SKAP2: variants seen among roughly 807,000 people sequenced by gnomAD.
The protein encoded by SKAP2 is src kinase associated phosphoprotein 2, also known as src kinase-associated phosphoprotein 2.
A neutral mutation model predicts 54.9 loss-of-function variants in SKAP2; 28 were observed. The ratio of observed to expected loss-of-function variants is 0.51; its 90% CI spans 0.38 to 0.70. SKAP2 has a LOEUF of 0.70. Ranked by LOEUF, SKAP2 falls within the 30% of genes least tolerant of loss-of-function variation. SKAP2 has a pLI of 0.00. For missense variants in SKAP2, 356 were observed against 424.1 expected (o/e 0.84, Z 1.41); for synonymous variants, 137 against 134.3 (o/e 1.02, Z -0.14).
chr7:26,734,495 T>C (rs1787883566), intron 6 of SKAP2, among the ~76,000 whole-genome samples: 1 of 152,180 alleles, frequency 6.6e-6, no homozygotes, highest in Non-Finnish European at 1.5e-5. Flanking sequence ...TGCTATTCCC[T>C]TACCTGGAAA....
Position 26,758,391 on chromosome 7 carries a change from A to C in SKAP2, c.308-18427T>G, listed in dbSNP as rs541850922. Among the ~76,000 whole-genome samples the C allele has an allele frequency of 6.6e-5, 10 of 152,358 alleles. No individual in the cohort carries two copies. The East Asian group carries it at 1.7e-3, about 26-fold the overall frequency. Reference sequence around the variant, plus strand: ...CCATTCATCTATAAAATTTAATTTAATCAATACAAGTATAGTTTTATAGTA... The same window carrying C: ...CCATTCATCTATAAAATTTAATTTACTCAATACAAGTATAGTTTTATAGTA... On this transcript the variant is annotated intron_variant, in intron 4 of 12. Coordinates refer to ENST00000345317, the MANE Select transcript of SKAP2 (RefSeq NM_003930.5).
intron 4 of SKAP2, among the ~76,000 whole-genome samples, chr7:26,741,844 G>A (rs1377298598): frequency 6.6e-6 from 1 of 150,850 alleles, no homozygotes; most frequent in Non-Finnish European, 1.5e-5. Flanking sequence ...AATACCATGG[G>A]GATCACAGTA....
At chr7:26,843,947 T>C in intron 4 of SKAP2, 83 bp downstream of exon 4, 2 of 858,502 alleles carry the variant, frequency 2.3e-6, no homozygotes, top group Admixed American at 4.0e-5. Context: ...TCTATGTTCA[T>C]CTGCTTTCTC....
chr7:26,786,503 G>A (rs1441491398), intron 4 of SKAP2, among the ~76,000 whole-genome samples: 2 of 152,154 alleles, frequency 1.3e-5, no homozygotes, highest in African/African-American at 4.8e-5. Flanking sequence ...CCAATGAGCT[G>A]AACTGAGGAA....
intron 9 of SKAP2, 132 bp downstream of exon 9, chr7:26,725,296 T>C (rs1197149191): frequency 5.4e-6 from 3 of 560,252 alleles, no homozygotes; most frequent in Non-Finnish European, 9.1e-6. Flanking sequence ...ATATTCTTTG[T>C]CCTTGTTCTC....
chr7:26,704,403 C>A (rs973766035), intron 9 of SKAP2, among the ~76,000 whole-genome samples: 9 of 152,140 alleles, frequency 5.9e-5, no homozygotes, highest in African/African-American at 2.2e-4. Context: ...ATTGATTAAT[C>A]CTGAATAAGA....
chr7:26,656,461 G>A, the SKAP2 span, among the ~76,000 whole-genome samples: 1 of 152,178 alleles, frequency 6.6e-6, no homozygotes, highest in Non-Finnish European at 1.5e-5. Flanking sequence ...CAAACAAGTT[G>A]ATAATAACTT....
intron 4 of SKAP2, among the ~76,000 whole-genome samples, chr7:26,803,582 T>A (rs1012878565): frequency 3.9e-5 from 6 of 152,008 alleles, no homozygotes; most frequent in African/African-American, 1.4e-4. Context: ...AAACAAAAAA[T>A]TGAGGTACCA....
At chr7:26,806,966 G>T (rs1051558275) in intron 4 of SKAP2, among the ~76,000 whole-genome samples, 1 of 152,158 alleles carries the variant, frequency 6.6e-6, no homozygotes, top group Non-Finnish European at 1.5e-5. Flanking sequence ...AGAGGTTCAG[G>T]ACTTCAGTGG....
chr7:26,723,251 T>C (rs989621199), intron 9 of SKAP2, among the ~76,000 whole-genome samples: 1 of 152,038 alleles, frequency 6.6e-6, no homozygotes, highest in African/African-American at 2.4e-5. Flanking sequence ...ACTAGAAAAA[T>C]CCCCTCTGTA....
intron 9 of SKAP2, among the ~76,000 whole-genome samples, chr7:26,708,363 T>G (rs887574006): frequency 6.6e-6 from 1 of 152,064 alleles, no homozygotes; most frequent in Non-Finnish European, 1.5e-5. Flanking sequence ...TTTTTATTAT[T>G]GTAGGGGCAA....
chr7:26,714,695 T>C (rs539935583), intron 9 of SKAP2, among the ~76,000 whole-genome samples: 10 of 152,348 alleles, frequency 6.6e-5, no homozygotes, highest in African/African-American at 4.8e-5. Context: ...ATAGTGAAGC[T>C]TGATACTCTC....
At chr7:26,808,642 A>G (rs1236889525) in intron 4 of SKAP2, among the ~76,000 whole-genome samples, 1 of 113,768 alleles carries the variant, frequency 8.8e-6, no homozygotes, top group African/African-American at 2.9e-5. Context: ...GTCTTTTACC[A>G]TAATAAAAAA....
intron 9 of SKAP2, among the ~76,000 whole-genome samples, chr7:26,699,112 T>C (rs1323797684): frequency 6.6e-6 from 1 of 152,204 alleles, no homozygotes; most frequent in African/African-American, 2.4e-5. Context: ...AATTTTAATG[T>C]AAAAGAGTAT....
chr7:26,787,123 G>A (rs772116822), intron 4 of SKAP2, among the ~76,000 whole-genome samples: 1 of 152,122 alleles, frequency 6.6e-6, no homozygotes, highest in African/African-American at 2.4e-5. Flanking sequence ...TAAGGTCTTC[G>A]TTTGACTTCA....
At chr7:26,777,684 C>T (rs888041300) in intron 4 of SKAP2, among the ~76,000 whole-genome samples, 3 of 152,042 alleles carry the variant, frequency 2.0e-5, no homozygotes, top group Admixed American at 6.6e-5. Context: ...GTTTTACATA[C>T]ATAAACAGAA....
chr7:26,818,210 A>C (rs575709947), intron 4 of SKAP2, among the ~76,000 whole-genome samples: 5 of 152,206 alleles, frequency 3.3e-5, no homozygotes, highest in Admixed American at 6.5e-5. Flanking sequence ...ACAGTAACCG[A>C]AACAGCATGG....
At chr7:26,774,736 G>C (rs1420724726) in intron 4 of SKAP2, among the ~76,000 whole-genome samples, 2 of 152,128 alleles carry the variant, frequency 1.3e-5, no homozygotes, top group Non-Finnish European at 2.9e-5. Context: ...AAATAGTAAA[G>C]TGTTTCATGG....
rs202190743 is a variant in SKAP2, at chr7:26,677,416, G to A, written c.988-7224C>T. On this transcript the variant is annotated intron_variant, in intron 11 of 12. Coordinates refer to ENST00000345317, the MANE Select transcript of SKAP2 (RefSeq NM_003930.5). ...CAATAAAAAAAAAAAAAAAAAAAAAGAAGTGATCCTGAATGACTGATGTCT... is the reference window on the plus strand; with the variant it reads ...CAATAAAAAAAAAAAAAAAAAAAAAAAAGTGATCCTGAATGACTGATGTCT... 2.3e-3 allele frequency among the ~76,000 whole-genome samples: 291 copies of A among 127,736 alleles called. 1 individual carries two copies. The highest frequency in any genetic ancestry group is 8.1e-3 in the African/African-American group (265 of 32,594). The allele number at this position is 127,736 out of a possible 152,430, so 83.8% of individuals were successfully genotyped here.
Sources: gnomAD v4.1 joint callset for allele counts (sites outside exome capture counted in the v4.1 genomes callset) on GRCh38, gnomAD v4.1.1 for gene constraint, MANE v1.5 for transcripts, NCBI Gene and HGNC (gene_info 2026-07-23, HGNC 2026-07-21) for gene names.